MYO1F: variants seen among roughly 807,000 people sequenced by gnomAD.
The protein encoded by MYO1F is myosin IF, also known as unconventional myosin-If.
Under a neutral mutation model 146.6 loss-of-function variants are expected in MYO1F, and 60 were observed. That is an observed-to-expected ratio of 0.41 (90% CI 0.33 to 0.51). The LOEUF is 0.51. MYO1F is among the 20% of genes least tolerant of loss of function. The probability of loss-of-function intolerance (pLI) is 0.25; values close to 1 mark genes in which losing one functional copy is unlikely to be tolerated. For synonymous variants in MYO1F, 602 were observed against 602.1 expected (o/e 1.00, Z 0.00); for missense variants, 1,274 against 1,534.3 (o/e 0.83, Z 2.83).
At chr19:8,546,866 A>G (rs748335463) in intron 12 of MYO1F, among the ~76,000 whole-genome samples, 1 of 151,942 alleles carries the variant, frequency 6.6e-6, no homozygotes, top group South Asian at 2.1e-4. Flanking sequence ...TTTAGTAGAG[A>G]TGGGGTTTCA....
In MYO1F at chr19:8,545,512, A is replaced by C. The variant is rs2967778; in HGVS notation, c.1356+138T>G. The C allele has an allele frequency of 0.21, 163,112 of 769,272 alleles. 26,014 individuals are homozygous for C. The highest frequency in any genetic ancestry group is 0.68 in the African/African-American group (40,195 of 58,756). The allele number at this position is 769,272 out of a possible 1,614,324, so 47.7% of individuals were successfully genotyped here. On this transcript the variant is annotated intron_variant, in intron 13 of 27. Coordinates refer to ENST00000644032, the MANE Select transcript of MYO1F (RefSeq NM_012335.4). Reference sequence around the variant, plus strand: ...GGGCGGAAGGGACATTTTGGTTGTTATCTGTCGCTGGAAGTCCTGAGTGTA... The same window carrying C: ...GGGCGGAAGGGACATTTTGGTTGTTCTCTGTCGCTGGAAGTCCTGAGTGTA...
chr19:8,550,129 C>G (rs1242544617), intron 10 of MYO1F, 31 bp downstream of exon 10: 1 of 1,610,002 alleles, frequency 6.2e-7, no homozygotes, highest in Non-Finnish European at 8.5e-7. Flanking sequence ...CCAGAGCATC[C>G]ACTCTGCCTT....
At chr19:8,556,528 A>T (rs994964490) in intron 1 of MYO1F, among the ~76,000 whole-genome samples, 1 of 146,278 alleles carries the variant, frequency 6.8e-6, no homozygotes, top group Non-Finnish European at 1.5e-5. Flanking sequence ...GAAAGAAAGA[A>T]AGAAATGAGA....
chr19:8,536,167 GTCTCTCTCTCTC>G lies in MYO1F; in HGVS notation c.2043+73_2043+84del, dbSNP rs57614495. On this transcript the variant is annotated intron_variant, in intron 19 of 27. Coordinates refer to ENST00000644032, the MANE Select transcript of MYO1F (RefSeq NM_012335.4). ...TTTCTCTCAATCTCTGTCTCCCTCT[GTCTCTCTCTCTC>G]TCTCTCAGTCCCTCTCTATACCTTT... 18 of 1,367,860 alleles carry G rather than the reference GTCTCTCTCTCTC, an allele frequency of 1.3e-5. No individual in the cohort carries two copies. The South Asian group carries it at 1.9e-4, about 15-fold the overall frequency. The allele number at this position is 1,367,860 out of a possible 1,614,324, so 84.7% of individuals were successfully genotyped here.
intron 2 of MYO1F, chr19:8,555,371 C>T (rs1450695814): frequency 4.7e-5 from 15 of 316,404 alleles, no homozygotes; most frequent in East Asian, 3.4e-4. Context: ...AGCAAGACTC[C>T]GTCTCAAAAA....
At chr19:8,541,778 G>T in intron 15 of MYO1F, 128 bp downstream of exon 15, 1 of 871,304 alleles carries the variant, frequency 1.1e-6, no homozygotes, top group Non-Finnish European at 1.9e-6. Context: ...CACCATCCTG[G>T]CCGCACAGCC....
In MYO1F at chr19:8,536,279, G is replaced by T. The variant is rs750703902; in HGVS notation, c.2016C>A (p.Thr672=). 8 of 1,607,108 alleles carry T rather than the reference G, an allele frequency of 5.0e-6. No individual in the cohort carries two copies. Among genetic ancestry groups the T allele is most frequent in the Non-Finnish European group, 5.1e-6 (6 of 1,179,962 alleles). ...MEPDQYQMGS[T]KVFVKNPESL... ...ACTCTGGGTTCTTGACAAAGACCTT[G>T]GTGCTCCCCATCTGGTACTGGTCGG... Residue 672 remains threonine, a synonymous_variant, in exon 19 of 28, where the codon ACC becomes ACA. Transcript: ENST00000644032.
At position 8,539,931 on chromosome 19, in the gene MYO1F, T is replaced by G; in HGVS notation, c.1692+16A>C. On this transcript the variant is annotated intron_variant, in intron 16 of 27. Coordinates refer to ENST00000644032, the MANE Select transcript of MYO1F (RefSeq NM_012335.4). ...CCTCTGCAGGCCCAGCTCCCCGTTG[T>G]ACACCCCAGGCCCACCTTGATCTTG... The G allele has an allele frequency of 6.2e-7, 1 of 1,610,956 alleles. No homozygotes were observed. The highest frequency in any genetic ancestry group is 1.7e-5 in the Admixed American group (1 of 59,868).
chr19:8,544,799 G>A (rs756496409), intron 13 of MYO1F, among the ~76,000 whole-genome samples: 7 of 152,060 alleles, frequency 4.6e-5, no homozygotes, highest in Admixed American at 2.0e-4. Context: ...ATTTAGAGAC[G>A]GAGTCTTGCT....
intron 1 of MYO1F, among the ~76,000 whole-genome samples, chr19:8,563,152 T>C (rs1213628239): frequency 6.7e-6 from 1 of 149,928 alleles, no homozygotes; most frequent in East Asian, 2.0e-4. Flanking sequence ...CCACCATGCC[T>C]GGCTAATTTT....
Position 8,530,584 on chromosome 19 carries a change from G to A in MYO1F, c.2044-11C>T, listed in dbSNP as rs143347435. On this transcript the variant is annotated splice_polypyrimidine_tract_variant and intron_variant, in intron 19 of 27. Coordinates refer to ENST00000644032, the MANE Select transcript of MYO1F (RefSeq NM_012335.4). This position sits in a 1 kb window ranked among gnomAD's most constrained non-coding sequence, Gnocchi z 5.8. Reference sequence around the variant, plus strand: ...CTCCAGGAGGAAAAGCTGGGCGGGGGTCGTGGGGGGCAAGGGTGAGTCCTG... The same window carrying A: ...CTCCAGGAGGAAAAGCTGGGCGGGGATCGTGGGGGGCAAGGGTGAGTCCTG... The A allele has an allele frequency of 8.1e-3, 13,019 of 1,603,798 alleles. 87 individuals are homozygous for A. The highest frequency in any genetic ancestry group is 0.016 in the Middle Eastern group (96 of 6,046).
intron 1 of MYO1F, among the ~76,000 whole-genome samples, chr19:8,557,368 C>A (rs1973905293): frequency 6.6e-6 from 1 of 152,292 alleles, no homozygotes; most frequent in Non-Finnish European, 1.5e-5. Context: ...GTGATCACAG[C>A]TCCATGCAGC....
intron 19 of MYO1F, among the ~76,000 whole-genome samples, chr19:8,535,071 C>G (rs975617408): frequency 2.6e-5 from 4 of 151,852 alleles, no homozygotes; most frequent in Non-Finnish European, 4.4e-5. Context: ...ACCACCACGC[C>G]CAGCTAATTT....
chr19:8,521,913 T>G (rs2967775), intron 27 of MYO1F, among the ~76,000 whole-genome samples: 1 of 152,110 alleles, frequency 6.6e-6, no homozygotes, highest in East Asian at 1.9e-4. Context: ...CCTCAGCCAC[T>G]GAAAGTGCTG....
At chr19:8,560,071 A>G (rs909858267) in intron 1 of MYO1F, among the ~76,000 whole-genome samples, 1 of 151,910 alleles carries the variant, frequency 6.6e-6, no homozygotes, top group African/African-American at 2.4e-5. Context: ...CAGTGTGGGT[A>G]GGCTCGAAGG....
In MYO1F at chr19:8,553,212, A is replaced by G; in HGVS notation, c.431T>C (p.Ile144Thr). The G allele has an allele frequency of 1.2e-6, 2 of 1,614,162 alleles. No homozygotes were observed. The highest frequency in any genetic ancestry group is 1.7e-6 in the Non-Finnish European group (2 of 1,180,038). Residue 144 changes from isoleucine to threonine, a missense_variant, in exon 6 of 28, where the codon ATC becomes ACC. Coordinates refer to ENST00000644032, the MANE Select transcript of MYO1F (RefSeq NM_012335.4). ...CTCGAGCAGCGGGTTGGACTGCAGG[A>G]TGATATCTTTGACGTGCTGGGGCAG... ...GEKVQHVKDI[I>T]LQSNPLLEAF...
chr19:8,562,113 C>A (rs960149542), intron 1 of MYO1F, among the ~76,000 whole-genome samples: 24 of 151,460 alleles, frequency 1.6e-4, no homozygotes, highest in African/African-American at 5.8e-4. Flanking sequence ...CGGCTCACTG[C>A]AAGCCTCGCC....
chr19:8,542,042 A>C, intron 14 of MYO1F, 51 bp from the exon 15 acceptor site: 1 of 882,034 alleles, frequency 1.1e-6, no homozygotes, highest in Non-Finnish European at 1.7e-6. Context: ...CCTGGCTGGG[A>C]GGGTGGGCGT....
chr19:8,568,778 C>T (rs77853209), intron 1 of MYO1F, among the ~76,000 whole-genome samples: 6,559 of 151,746 alleles, frequency 0.043, 327 homozygotes, highest in African/African-American at 0.13. Flanking sequence ...AAAATTAGCC[C>T]GGCGTGGTGG....
Sources: gnomAD v4.1 joint callset for allele counts (sites outside exome capture counted in the v4.1 genomes callset) on GRCh38, gnomAD v4.1.1 for gene constraint, Gnocchi (gnomAD v3.1) non-coding constraint, MANE v1.5 for transcripts, NCBI Gene and HGNC (gene_info 2026-07-23, HGNC 2026-07-21) for gene names.